Variants in TMEM132A observed in about 807,000 individuals in gnomAD.
TMEM132A encodes the protein GRP78-binding protein.
TMEM132A carries 48 observed loss-of-function variants against 69.9 expected under a neutral mutation model. The observed-to-expected ratio is 0.69, with a 90% CI of 0.55 to 0.87. TMEM132A has a LOEUF of 0.87. TMEM132A is among the 40% of genes least tolerant of loss of function. TMEM132A has a pLI of 0.00. For synonymous variants in TMEM132A, 577 were observed against 613.7 expected (o/e 0.94, Z 0.88); for missense variants, 1,287 against 1,407.2 (o/e 0.91, Z 1.37).
chr11:60,935,340 A>C lies in TMEM132A; in HGVS notation c.1925A>C (p.Gln642Pro), dbSNP rs1236803197. Residue 642 changes from glutamine (Q) to proline (P), a missense_variant, in exon 10 of 11, where the codon CAG becomes CCG. Coordinates refer to ENST00000453848, the MANE Select transcript of TMEM132A (RefSeq NM_178031.3). This position sits in a 1 kb window ranked among gnomAD's most constrained non-coding sequence, Gnocchi z 5.0. ...GTCTCAGTGCTGGAGCTGAGGGTGC[A>C]GCCAGTGATGGGCATCTCGCTGACC... ...DKVSVLELRV[Q>P]PVMGISLTLS... is the part of the protein sequence containing the mutation. The C allele has an allele frequency of 1.2e-6, 2 of 1,613,132 alleles. No individual in the cohort carries two copies. Among genetic ancestry groups the C allele is most frequent in the Admixed American group, 1.7e-5 (1 of 59,916 alleles).
At position 60,934,511 on chromosome 11, in the gene TMEM132A, C is replaced by T. The variant is rs1217494791; in HGVS notation, c.1583C>T (p.Ala528Val). The change falls in exon 9 of 11, where the codon GCG (alanine) becomes GTG (valine). Residue 528 changes from alanine to valine, a missense_variant. By Grantham distance (64) the Ala-to-Val change is moderately conservative. Transcript: ENST00000453848. ...AEGPAEPAAE[A>V]SDEAERRARG... is the part of the protein sequence containing the mutation. ...AGGCCTGCGGAACCCGCTGCAGAGG[C>T]GTCGGATGAGGCCGAGCGGCGCGCC... 7.0e-7 allele frequency: 1 copy of T among 1,425,352 alleles called. No homozygotes were observed. The highest frequency in any genetic ancestry group is 2.8e-5 in the East Asian group (1 of 35,706). 88.3% of individuals were successfully genotyped at this position (1,425,352 alleles called of 1,614,324 possible). A position where few individuals can be genotyped will look rare whatever the true frequency, so the allele number is the denominator to read the frequency against.
chr11:60,934,297 G>T, intron 8 of TMEM132A, 191 bp from the exon 9 acceptor site: 1 of 471,506 alleles, frequency 2.1e-6, no homozygotes, highest in Non-Finnish European at 3.5e-6. Context: ...CCAGTCGGGA[G>T]TGGGCTGGGG....
intron 3 of TMEM132A, 70 bp from the exon 4 acceptor site, chr11:60,928,558 TG>T: frequency 1.4e-6 from 2 of 1,427,554 alleles, no homozygotes; most frequent in Non-Finnish European, 1.9e-6. Flanking sequence ...TTTCCTGCCA[TG>T]GGTGCTGAGA....
intron 7 of TMEM132A, 53 bp from the exon 8 acceptor site, chr11:60,933,489 C>T: frequency 6.6e-7 from 1 of 1,514,352 alleles, no homozygotes. Context: ...GGCCCAGCCT[C>T]ACACCTGTCT....
chr11:60,930,401 G>C, intron 4 of TMEM132A, 109 bp from the exon 5 acceptor site: 8 of 1,321,290 alleles, frequency 6.1e-6, no homozygotes, highest in Non-Finnish European at 8.2e-6. Flanking sequence ...AGGAGATTCA[G>C]ACTGGAGCCA....
Position 60,924,558 on chromosome 11 carries a change from G to C in TMEM132A, c.-76G>C, listed in dbSNP as rs1371124609. On this transcript the variant is annotated 5_prime_UTR_variant, in exon 1 of 11. Transcript: ENST00000453848. ...CAGCGGGCCAGGTGGGGACGGCGCG[G>C]AGCGGGTGCGGGAGATGCCGTGCGG... The C allele has an allele frequency of 6.4e-6, 8 of 1,254,824 alleles. No individual in the cohort carries two copies. Among genetic ancestry groups the C allele is most frequent in the African/African-American group, 1.6e-5 (1 of 63,518 alleles). The allele number at this position is 1,254,824 out of a possible 1,614,324, so 77.7% of individuals were successfully genotyped here. A position where few individuals can be genotyped will look rare whatever the true frequency, so the allele number is the denominator to read the frequency against.
Position 60,935,647 on chromosome 11 carries a change from C to A in TMEM132A, c.2028+204C>A. On this transcript the variant is annotated intron_variant, in intron 10 of 10. Coordinates refer to ENST00000453848, the MANE Select transcript of TMEM132A (RefSeq NM_178031.3). The surrounding 1 kb of genome is among the most constrained non-coding windows in gnomAD (Gnocchi z 5.0). The stretch of plus-strand genomic sequence containing the variant: ...TGGCAGTGGGAGGTTGGTTAGATGG[C>A]TCTAACTGAGGACCCTCCCAATAAC... 1.3e-6 allele frequency: 1 copy of A among 779,118 alleles called. No homozygotes were observed. The highest frequency in any genetic ancestry group is 2.0e-6 in the Non-Finnish European group (1 of 497,980). 48.3% of individuals were successfully genotyped at this position (779,118 alleles called of 1,614,324 possible). A position where few individuals can be genotyped will look rare whatever the true frequency, so the allele number is the denominator to read the frequency against.
In TMEM132A at chr11:60,927,677, C is replaced by T. The variant is rs1297887349; in HGVS notation, c.352C>T (p.Pro118Ser). ...PPRVTEPHQR[P>S]VPWDVRAVSV... ...TCGAGTCACTGAGCCCCACCAACGGCCAGTCCCATGGGACGTGCGGGCCGT... is the reference window on the plus strand; with the variant it reads ...TCGAGTCACTGAGCCCCACCAACGGTCAGTCCCATGGGACGTGCGGGCCGT... Residue 118 changes from proline (P) to serine (S), a missense_variant, in exon 3 of 11, where the codon CCA (proline) becomes TCA (serine). Transcript: ENST00000453848. 2 of 1,613,238 alleles carry T rather than the reference C, an allele frequency of 1.2e-6. No individual in the cohort carries two copies. The highest frequency in any genetic ancestry group is 3.3e-4 in the Middle Eastern group (2 of 6,062).
intron 9 of TMEM132A, 131 bp downstream of exon 9, chr11:60,934,895 A>G: frequency 1.0e-6 from 1 of 998,632 alleles, no homozygotes. Context: ...TCTAGGTCTG[A>G]GTGCAGTGGG....
In TMEM132A at chr11:60,927,649, C is replaced by G. The variant is rs772408410; in HGVS notation, c.324C>G (p.Pro108=). ...TCTCATTCTCCCTCCAGGTGGTCCC[C>G]CCTCGAGTCACTGAGCCCCACCAAC... ...YPPFATQQVV[P]PRVTEPHQRP... Residue 108 remains proline (P), a synonymous_variant, in exon 3 of 11, where the codon CCC becomes CCG. Coordinates refer to ENST00000453848, the MANE Select transcript of TMEM132A (RefSeq NM_178031.3). 6.2e-7 allele frequency: 1 copy of G among 1,610,962 alleles called. No individual in the cohort carries two copies. The highest frequency in any genetic ancestry group is 8.5e-7 in the Non-Finnish European group (1 of 1,179,312).
At chr11:60,926,373 TG>T (rs1018968494) in intron 1 of TMEM132A, among the ~76,000 whole-genome samples, 1 of 152,208 alleles carries the variant, frequency 6.6e-6, no homozygotes, top group Non-Finnish European at 1.5e-5. Flanking sequence ...ATCCACAAAA[TG>T]GGATTCATCA....
rs1856597296 is a variant in TMEM132A, at chr11:60,936,290, A to G, written c.2455A>G (p.Arg819Gly). The G allele has an allele frequency of 1.2e-6, 2 of 1,613,858 alleles. No individual in the cohort carries two copies. Among genetic ancestry groups the G allele is most frequent in the Non-Finnish European group, 1.7e-6 (2 of 1,179,800 alleles). ...GKFERAEEEA[R>G]KEETEAREEE... ...GTTTGAGCGGGCAGAGGAGGAGGCC[A>G]GGAAGGAGGAGACCGAAGCCAGGGA... The change falls in exon 11 of 11, where the codon AGG becomes GGG. Residue 819 changes from arginine to glycine, a missense_variant. Transcript: ENST00000453848.
intron 8 of TMEM132A, 128 bp downstream of exon 8, chr11:60,933,872 GC>G: frequency 1.2e-6 from 1 of 859,754 alleles, no homozygotes; most frequent in Non-Finnish European, 1.7e-6. Context: ...AGTTCCTTCT[GC>G]CCACCTCCAC....
Position 60,937,063 on chromosome 11 carries a change from GC to G in TMEM132A, c.*160del. The G allele has an allele frequency of 7.6e-7, 1 of 1,315,170 alleles. No homozygotes were observed. The highest frequency in any genetic ancestry group is 1.0e-6 in the Non-Finnish European group (1 of 982,296). 81.5% of individuals were successfully genotyped at this position (1,315,170 alleles called of 1,614,324 possible). On this transcript the variant is annotated 3_prime_UTR_variant, in exon 11 of 11. Coordinates refer to ENST00000453848, the MANE Select transcript of TMEM132A (RefSeq NM_178031.3). The stretch of plus-strand genomic sequence containing the variant: ...CTCCCATCCAGGCCCCCTCTGCCCT[GC>G]CCCTTGTCATGGACCATGGTCGTGA...
chr11:60,936,632 G>A lies in TMEM132A; in HGVS notation c.2797G>A (p.Ala933Thr), dbSNP rs1284390087. 6.4e-7 allele frequency: 1 copy of A among 1,563,154 alleles called. No individual in the cohort carries two copies. The highest frequency in any genetic ancestry group is 8.7e-7 in the Non-Finnish European group (1 of 1,155,258). The change falls in exon 11 of 11, where the codon GCC becomes ACC. Residue 933 changes from alanine (A) to threonine (T), a missense_variant. Ala to Thr is a moderately conservative substitution (Grantham distance 58, BLOSUM62 0). Coordinates refer to ENST00000453848, the MANE Select transcript of TMEM132A (RefSeq NM_178031.3). Reference protein sequence around the residue: ...CPCESGGGGEAPTLAPGPPGG... With the variant: ...CPCESGGGGETPTLAPGPPGG... ...CTGTGAGAGTGGGGGAGGAGGGGAG[G>A]CCCCTACCCTGGCCCCTGGCCCTCC...
rs1328330720 is a variant in TMEM132A, at chr11:60,933,653, G to C, written c.1468G>C (p.Val490Leu). ...GCTCCGCGCCTCGCTGCGGCTGACC[G>C]TGTGGGCCCCCCTGCTACCGCTGCG... ...RRLRASLRLT[V>L]WAPLLPLRIE... The change falls in exon 8 of 11, where the codon GTG (valine) becomes CTG (leucine). Residue 490 changes from valine (V) to leucine (L), a missense_variant. By Grantham distance (32) the Val-to-Leu change is conservative. Transcript: ENST00000453848. 1.9e-6 allele frequency: 3 copies of C among 1,605,884 alleles called. No individual in the cohort carries two copies. Among genetic ancestry groups the C allele is most frequent in the Non-Finnish European group, 2.5e-6 (3 of 1,179,054 alleles).
In TMEM132A at chr11:60,936,084, G is replaced by A. The variant is rs574111955; in HGVS notation, c.2249G>A (p.Arg750Gln). Residue 750 changes from arginine (R) to glutamine (Q), a missense_variant, in exon 11 of 11, where the codon CGG becomes CAG. Transcript: ENST00000453848. ...CTGCACCCGCCCGAGCCCTGCCGCC[G>A]GGGCCGCCACCGTGTGCCTCTGGCC... The part of the protein sequence containing the change: ...VALHPPEPCR[R>Q]GRHRVPLASG... 1.1e-4 allele frequency: 175 copies of A among 1,608,878 alleles called. No individual in the cohort carries two copies. In the East Asian group the frequency reaches 2.9e-3, roughly 27 times the overall value.
chr11:60,925,181 G>C (rs940438557), intron 1 of TMEM132A: 1 of 154,924 alleles, frequency 6.5e-6, no homozygotes, highest in African/African-American at 2.4e-5. Context: ...TGCAACAGAC[G>C]CAAGCCCTCC....
In TMEM132A at chr11:60,936,239, G is replaced by A. The variant is rs201227499; in HGVS notation, c.2404G>A (p.Gly802Arg). The change falls in exon 11 of 11, where the codon GGG becomes AGG. Residue 802 changes from glycine (G) to arginine (R), a missense_variant. Gly to Arg is a moderately radical substitution (Grantham distance 125). Coordinates refer to ENST00000453848, the MANE Select transcript of TMEM132A (RefSeq NM_178031.3). ...GGKRQVAGSV[G>R]GNTGVRGKFE... Reference sequence around the variant, plus strand: ...TAAACGGCAGGTGGCAGGCAGTGTCGGGGGCAACACAGGTGTGAGGGGCAA... The same window carrying A: ...TAAACGGCAGGTGGCAGGCAGTGTCAGGGGCAACACAGGTGTGAGGGGCAA... 5.2e-5 allele frequency: 84 copies of A among 1,613,950 alleles called. No homozygotes were observed. The highest frequency in any genetic ancestry group is 3.6e-4 in the East Asian group (16 of 44,886).
Sources: gnomAD v4.1 joint callset for allele counts (sites outside exome capture counted in the v4.1 genomes callset) on GRCh38, gnomAD v4.1.1 for gene constraint, Gnocchi (gnomAD v3.1) non-coding constraint, MANE v1.5 for transcripts, NCBI Gene and HGNC (gene_info 2026-07-23, HGNC 2026-07-21) for gene names.